IL1RAPL2: variants seen among roughly 807,000 people sequenced by gnomAD.
IL1RAPL2 encodes the protein X-linked interleukin-1 receptor accessory protein-like 2.
A neutral mutation model predicts 44.1 loss-of-function variants in IL1RAPL2; 3 were observed. The observed-to-expected ratio is 0.07, with a 90% confidence interval of 0.03 to 0.18. IL1RAPL2 has a LOEUF of 0.18. IL1RAPL2 is among the 10% of genes least tolerant of loss of function. IL1RAPL2 has a pLI of 1.00. For missense variants in IL1RAPL2, 391 were observed against 496.4 expected (o/e 0.79, Z 2.02); for synonymous variants, 181 against 178.8 (o/e 1.01, Z -0.10).
chrX:104,582,257 C>A (rs774412440), intron 1 of IL1RAPL2, among the ~76,000 whole-genome samples: 1 of 111,401 alleles, frequency 9.0e-6, no homozygotes, highest in South Asian at 3.8e-4. Flanking sequence ...AAAGCAAATG[C>A]AACAAAGGTT....
rs1289316500 is a variant in IL1RAPL2, at chrX:105,256,607, G to T, written c.544-10781G>T. ...GCCTCCCAAAGTGCTAGGATTACAG[G>T]CGTGAGCGACCGTGCCTGGCCTATT... is the stretch of plus-strand genomic sequence containing the variant. On this transcript the variant is annotated intron_variant, in intron 4 of 10. Transcript: ENST00000372582. 4.0e-4 allele frequency among the ~76,000 whole-genome samples: 45 copies of T among 111,274 alleles called. No individual in the cohort carries two copies. The Admixed American group carries it at 4.3e-3, about 11-fold the overall frequency.
chrX:104,657,517 AC>A (rs757124988), intron 1 of IL1RAPL2, among the ~76,000 whole-genome samples: 47 of 111,839 alleles, frequency 4.2e-4, no homozygotes, highest in Non-Finnish European at 7.3e-4. Context: ...AACCATAAAA[AC>A]CCTAGAAGAA....
chrX:105,670,142 T>TATATATATATATATATATAAAA (rs1365896538), intron 6 of IL1RAPL2, among the ~76,000 whole-genome samples: 6 of 52,975 alleles, frequency 1.1e-4, no homozygotes, highest in African/African-American at 4.5e-4. Context: ...TATATATATA[T>TATATATATATATATATATAAAA]ATATATCTCC....
At chrX:104,675,584 G>A (rs1930731429) in intron 2 of IL1RAPL2, among the ~76,000 whole-genome samples, 1 of 111,089 alleles carries the variant, frequency 9.0e-6, no homozygotes, top group South Asian at 3.8e-4. Context: ...TGTTTATTTG[G>A]GGTGGAGAGT....
intron 2 of IL1RAPL2, among the ~76,000 whole-genome samples, chrX:105,107,914 C>T (rs5916723): frequency 0.51 from 56,633 of 110,381 alleles, 12,564 homozygotes; most frequent in East Asian, 0.75. Context: ...TTCCTTGATA[C>T]AGTTACTTCC....
intron 2 of IL1RAPL2, among the ~76,000 whole-genome samples, chrX:104,822,247 G>A (rs1273378843): frequency 8.9e-6 from 1 of 111,752 alleles, no homozygotes; most frequent in Non-Finnish European, 1.9e-5. Context: ...AAGCTCTTTA[G>A]TTTAATTAGA....
chrX:105,034,427 A>G (rs1255121373), intron 2 of IL1RAPL2, among the ~76,000 whole-genome samples: 1 of 111,857 alleles, frequency 8.9e-6, no homozygotes, highest in African/African-American at 3.3e-5. Context: ...TCTGTTTGTT[A>G]GTTTTCCTTC....
At chrX:104,894,886 T>C (rs1923589291) in intron 2 of IL1RAPL2, among the ~76,000 whole-genome samples, 1 of 112,276 alleles carries the variant, frequency 8.9e-6, no homozygotes, top group Non-Finnish European at 1.9e-5. Context: ...TTTCAGCTTT[T>C]CTGCTCCGTT....
At chrX:105,323,994 C>CA (rs1292415943) in intron 5 of IL1RAPL2, among the ~76,000 whole-genome samples, 1 of 111,021 alleles carries the variant, frequency 9.0e-6, no homozygotes, top group Non-Finnish European at 1.9e-5. Context: ...GGAACTGTAA[C>CA]AAAAAATAGG....
intron 6 of IL1RAPL2, among the ~76,000 whole-genome samples, chrX:105,714,632 C>G (rs2038242106): frequency 8.9e-6 from 1 of 111,884 alleles, no homozygotes; most frequent in Non-Finnish European, 1.9e-5. Flanking sequence ...TCCAGCTCAA[C>G]TCATCCTTTT....
At chrX:105,056,393 T>C (rs1328027619) in intron 2 of IL1RAPL2, among the ~76,000 whole-genome samples, 1 of 112,051 alleles carries the variant, frequency 8.9e-6, no homozygotes. Context: ...TGAGGTATTA[T>C]GTAAAATCCA....
At chrX:105,490,723 G>A (rs2036310836) in intron 6 of IL1RAPL2, among the ~76,000 whole-genome samples, 1 of 112,253 alleles carries the variant, frequency 8.9e-6, no homozygotes, top group Admixed American at 9.4e-5. Context: ...CATTTATTGA[G>A]TTCTTACTGG....
At chrX:104,930,226 C>A (rs1054220108) in intron 2 of IL1RAPL2, among the ~76,000 whole-genome samples, 3 of 111,895 alleles carry the variant, frequency 2.7e-5, no homozygotes, top group African/African-American at 9.7e-5. Context: ...ATGTTCAGTT[C>A]TTAGAAAACC....
intron 2 of IL1RAPL2, among the ~76,000 whole-genome samples, chrX:104,992,627 G>A (rs1249853913): frequency 9.0e-6 from 1 of 110,768 alleles, no homozygotes; most frequent in Admixed American, 9.6e-5. Context: ...TGTCAGAGGT[G>A]GAATCCTGAC....
At chrX:104,719,199 C>T (rs375440863) in intron 2 of IL1RAPL2, among the ~76,000 whole-genome samples, 98 of 112,142 alleles carry the variant, frequency 8.7e-4, no homozygotes, top group African/African-American at 3.1e-3. Flanking sequence ...CATTTTGTAT[C>T]TAATTATATG....
intron 3 of IL1RAPL2, among the ~76,000 whole-genome samples, chrX:105,222,581 G>A (rs149010453): frequency 1.1e-3 from 123 of 112,140 alleles, no homozygotes; most frequent in Non-Finnish European, 2.0e-3. Context: ...GTGAGGAAAG[G>A]GGGAGAGACT....
At chrX:105,691,779 G>A (rs1453828642) in intron 6 of IL1RAPL2, among the ~76,000 whole-genome samples, 3 of 111,452 alleles carry the variant, frequency 2.7e-5, no homozygotes, top group Admixed American at 1.9e-4. Context: ...AATCACAAAT[G>A]TATATAGAAT....
intron 6 of IL1RAPL2, among the ~76,000 whole-genome samples, chrX:105,557,852 A>G (rs1476287422): frequency 8.9e-6 from 1 of 111,935 alleles, no homozygotes; most frequent in African/African-American, 3.2e-5. Flanking sequence ...ATTGCTGTGC[A>G]TTCTAGAAAA....
intron 2 of IL1RAPL2, among the ~76,000 whole-genome samples, chrX:105,049,361 CA>C (rs2031887402): frequency 9.0e-6 from 1 of 111,528 alleles, no homozygotes; most frequent in Admixed American, 9.5e-5. Flanking sequence ...AAACATATAG[CA>C]ACATTCGTTT....
Sources: allele counts gnomAD v4.1 joint callset (sites outside exome capture counted in the v4.1 genomes callset), GRCh38; gene constraint gnomAD v4.1.1; transcripts MANE v1.5; gene names NCBI Gene and HGNC (gene_info 2026-07-23, HGNC 2026-07-21).